The following PLCB4 variants were observed in gnomAD, a reference collection of about 807,000 sequenced individuals.
PLCB4 encodes the protein phospholipase C beta 4.
Under a neutral mutation model 178.8 loss-of-function variants are expected in PLCB4, and 77 were observed. The ratio of observed to expected loss-of-function variants is 0.43; its 90% CI spans 0.36 to 0.52. The LOEUF is 0.52. PLCB4 is among the 20% of genes least tolerant of loss of function. The pLI is 0.00. For synonymous variants in PLCB4, 496 were observed against 490.8 expected, an observed-to-expected ratio of 1.01 and a Z score of -0.14; for missense variants, 1,024 against 1,453.4, an observed-to-expected ratio of 0.70 and a Z score of 4.80.
intron 2 of PLCB4, among the ~76,000 whole-genome samples, chr20:9,188,228 A>G (rs2093353928): frequency 1.3e-5 from 2 of 152,236 alleles, no homozygotes; most frequent in African/African-American, 4.8e-5. Flanking sequence ...AAAGCCAGGG[A>G]AATTGTAATT....
chr20:9,156,908 T>G (rs2092802071), intron 2 of PLCB4, among the ~76,000 whole-genome samples: 1 of 139,570 alleles, frequency 7.2e-6, no homozygotes, highest in African/African-American at 2.6e-5. Context: ...TAGTGGAGCT[T>G]ATAACTAGTT....
At chr20:9,186,836 AC>A (rs1444759789) in intron 2 of PLCB4, among the ~76,000 whole-genome samples, 1 of 151,116 alleles carries the variant, frequency 6.6e-6, no homozygotes, top group African/African-American at 2.4e-5. Flanking sequence ...GGTACAGGAA[AC>A]CCCCAATGAA....
intron 2 of PLCB4, among the ~76,000 whole-genome samples, chr20:9,162,060 C>G (rs118116529): frequency 0.012 from 1,777 of 151,812 alleles, 11 homozygotes; most frequent in Non-Finnish European, 0.019. Flanking sequence ...TTAGCATGTT[C>G]TGTTTTTTTT....
At chr20:9,123,449 A>G (rs1175255481) in intron 2 of PLCB4, among the ~76,000 whole-genome samples, 1 of 145,444 alleles carries the variant, frequency 6.9e-6, no homozygotes, top group African/African-American at 2.5e-5. Flanking sequence ...TATTTCAGCT[A>G]TTTAATTTTA....
At chr20:9,195,892 G>A (rs1014990418) in intron 2 of PLCB4, among the ~76,000 whole-genome samples, 1 of 152,114 alleles carries the variant, frequency 6.6e-6, no homozygotes, top group Non-Finnish European at 1.5e-5. Context: ...TTGCCTAACT[G>A]TGGGGGCAAA....
chr20:9,117,740 C>G (rs1487532019), intron 2 of PLCB4, among the ~76,000 whole-genome samples: 1 of 152,142 alleles, frequency 6.6e-6, no homozygotes, highest in Non-Finnish European at 1.5e-5. Flanking sequence ...TACCTTATTC[C>G]TACCCCAGGG....
chr20:9,213,614 C>G, intron 2 of PLCB4, among the ~76,000 whole-genome samples: 1 of 152,110 alleles, frequency 6.6e-6, no homozygotes, highest in Non-Finnish European at 1.5e-5. Context: ...AATAATGCTG[C>G]TATGAAATTT....
intron 3 of PLCB4, among the ~76,000 whole-genome samples, chr20:9,306,059 C>T (rs2094761878): frequency 6.6e-6 from 1 of 152,122 alleles, no homozygotes; most frequent in South Asian, 2.1e-4. Flanking sequence ...CGTTCTTCTA[C>T]TGTTACTTTA....
intron 7 of PLCB4, among the ~76,000 whole-genome samples, chr20:9,352,237 G>A (rs1428715787): frequency 6.6e-6 from 1 of 152,206 alleles, no homozygotes; most frequent in Admixed American, 6.5e-5. Flanking sequence ...ATCATGTGTT[G>A]TATATCTAAA....
At chr20:9,086,585 A>C (rs551546140) in intron 1 of PLCB4, among the ~76,000 whole-genome samples, 3 of 152,094 alleles carry the variant, frequency 2.0e-5, no homozygotes, top group Non-Finnish European at 2.9e-5. Context: ...ATAACTAGCA[A>C]GTTGTAGCGC....
chr20:9,202,651 G>A (rs2093561060), intron 2 of PLCB4, among the ~76,000 whole-genome samples: 1 of 152,134 alleles, frequency 6.6e-6, no homozygotes, highest in Admixed American at 6.5e-5. Context: ...GAGGGACCTT[G>A]CCAGCTGACT....
intron 1 of PLCB4, among the ~76,000 whole-genome samples, chr20:9,071,229 C>T (rs970259423): frequency 2.6e-5 from 4 of 152,118 alleles, no homozygotes; most frequent in Admixed American, 1.3e-4. Flanking sequence ...ATTCAGTGCC[C>T]GTAGCACAGC....
At chr20:9,068,844 T>G (rs1354896357), upstream of PLCB4, 7 of 149,476 alleles carry the variant, frequency 4.7e-5, no homozygotes, top group Non-Finnish European at 7.4e-5. Flanking sequence ...GGCGGGCGGG[T>G]CGGCGCTGCC....
chr20:9,190,675 A>G (rs555913543), intron 2 of PLCB4, among the ~76,000 whole-genome samples: 1 of 152,326 alleles, frequency 6.6e-6, no homozygotes, highest in Non-Finnish European at 1.5e-5. Context: ...GTCAAAAATA[A>G]CTACGAGGAT....
chr20:9,152,464 T>G (rs2092707821), intron 2 of PLCB4, among the ~76,000 whole-genome samples: 1 of 152,184 alleles, frequency 6.6e-6, no homozygotes, highest in African/African-American at 2.4e-5. Flanking sequence ...GGGGCTAACA[T>G]AGAGCTTGGG....
At chr20:9,288,174 T>C (rs1445390804) in intron 3 of PLCB4, among the ~76,000 whole-genome samples, 9 of 152,128 alleles carry the variant, frequency 5.9e-5, no homozygotes, top group Admixed American at 5.9e-4. Context: ...CATTCTTGTA[T>C]TTTGTTGATA....
chr20:9,090,364 A>G (rs1378167353), intron 1 of PLCB4, among the ~76,000 whole-genome samples: 1 of 152,072 alleles, frequency 6.6e-6, no homozygotes, highest in East Asian at 1.9e-4. Context: ...ATCCTTTTAA[A>G]TCATATTTTT....
chr20:9,251,400 A>G (rs1304913614), intron 3 of PLCB4, among the ~76,000 whole-genome samples: 3 of 152,206 alleles, frequency 2.0e-5, no homozygotes, highest in East Asian at 1.9e-4. Flanking sequence ...GTAGTGTAAC[A>G]TTTAAAAAGC....
At chr20:9,454,903 C>T (rs1353009289) in intron 33 of PLCB4, among the ~76,000 whole-genome samples, 3 of 151,980 alleles carry the variant, frequency 2.0e-5, no homozygotes, top group African/African-American at 7.2e-5. Context: ...TTTTGTTTTC[C>T]CCGTAGGTTT....
Sources: gnomAD v4.1 joint callset for allele counts (sites outside exome capture counted in the v4.1 genomes callset) on GRCh38, gnomAD v4.1.1 for gene constraint, MANE v1.5 for transcripts, NCBI Gene and HGNC (gene_info 2026-07-23, HGNC 2026-07-21) for gene names.